KIF11: variants seen among roughly 807,000 people sequenced by gnomAD.
KIF11 encodes kinesin-like protein KIF11.
A neutral mutation model predicts 121.0 loss-of-function variants in KIF11; 9 were observed. That is an observed-to-expected ratio of 0.07 (90% CI 0.04 to 0.13). The LOEUF (loss-of-function observed/expected upper bound fraction) is 0.13. KIF11 is among the 10% of genes least tolerant of loss of function. KIF11 has a pLI of 1.00. For synonymous variants in KIF11, 408 were observed against 421.0 expected (o/e 0.97, Z 0.38); for missense variants, 846 against 1,217.5 (o/e 0.69, Z 4.54).
chr10:92,642,855 T>C (rs1172180442), intron 17 of KIF11, among the ~76,000 whole-genome samples: 2 of 152,262 alleles, frequency 1.3e-5, no homozygotes, highest in South Asian at 2.1e-4. Flanking sequence ...GGGTTTCTTA[T>C]AGACAGCATG....
chr10:92,596,298 C>T (rs189875276), intron 1 of KIF11, among the ~76,000 whole-genome samples: 95 of 152,270 alleles, frequency 6.2e-4, no homozygotes, highest in Admixed American at 1.1e-3. Context: ...CTACGGAGCC[C>T]GGCCTTGAGT....
At chr10:92,646,023 C>G (rs911300538) in intron 18 of KIF11, among the ~76,000 whole-genome samples, 6 of 148,428 alleles carry the variant, frequency 4.0e-5, no homozygotes, top group Non-Finnish European at 5.9e-5. Flanking sequence ...ACGATCTCAG[C>G]TCACTGCAAC....
rs994088086 is a variant in KIF11 at position 92,654,166 on chromosome 10, C to G, written c.*370C>G. On this transcript the variant is annotated 3_prime_UTR_variant, in exon 22 of 22. Coordinates refer to ENST00000260731, the MANE Select transcript of KIF11 (RefSeq NM_004523.4). ...CTCCAGCCTGGGCAACAGAGCAAGACTCGGTCTCAAAAACAAAATTTAAAA... is the reference window on the plus strand; with the variant it reads ...CTCCAGCCTGGGCAACAGAGCAAGAGTCGGTCTCAAAAACAAAATTTAAAA... 4 of 159,238 alleles carry G rather than the reference C, an allele frequency of 2.5e-5. No individual in the cohort carries two copies. Among genetic ancestry groups the G allele is most frequent in the African/African-American group, 9.6e-5 (4 of 41,598 alleles). 9.9% of individuals were successfully genotyped at this position (159,238 alleles called of 1,614,324 possible). A position where few individuals can be genotyped will look rare whatever the true frequency, so the allele number is the denominator to read the frequency against.
chr10:92,650,211 T>C (rs1844966190), intron 20 of KIF11, among the ~76,000 whole-genome samples, 190 bp from the exon 21 acceptor site: 1 of 152,226 alleles, frequency 6.6e-6, no homozygotes, highest in Non-Finnish European at 1.5e-5. Context: ...CATTGTTATA[T>C]AGGAACCTCT....
intron 9 of KIF11, among the ~76,000 whole-genome samples, chr10:92,617,636 G>A (rs1844571555): frequency 6.6e-6 from 1 of 152,030 alleles, no homozygotes; most frequent in Admixed American, 6.6e-5. Context: ...TATGAGGTCT[G>A]CAATTTCTCC....
intron 21 of KIF11, among the ~76,000 whole-genome samples, chr10:92,651,961 C>CT (rs36000362): frequency 0.31 from 32,111 of 102,442 alleles, 5,769 homozygotes; most frequent in East Asian, 0.6. Flanking sequence ...ATGCTTGTAC[C>CT]TTTTTTTTTT....
intron 16 of KIF11, 97 bp from the exon 17 acceptor site, chr10:92,639,697 T>A (rs1357765760): frequency 1.5e-6 from 1 of 646,490 alleles, no homozygotes; most frequent in African/African-American, 1.9e-5. Context: ...TATATAATTC[T>A]CACCTATGGA....
chr10:92,638,152 T>C (rs1261201061), intron 16 of KIF11, among the ~76,000 whole-genome samples: 3 of 152,242 alleles, frequency 2.0e-5, no homozygotes, highest in Non-Finnish European at 4.4e-5. Flanking sequence ...AAGACTTTAA[T>C]AATGACTGTC....
intron 17 of KIF11, 70 bp from the exon 18 acceptor site, chr10:92,645,293 A>C (rs1260343834): frequency 8.8e-7 from 1 of 1,142,484 alleles, no homozygotes; most frequent in Non-Finnish European, 1.3e-6. Flanking sequence ...GAGCTGAGTG[A>C]TCTTGGGAAG....
At chr10:92,632,430 C>G in intron 12 of KIF11, 56 bp from the exon 13 acceptor site, 2 of 1,117,336 alleles carry the variant, frequency 1.8e-6, no homozygotes, top group Non-Finnish European at 2.7e-6. Context: ...TAGATACTTT[C>G]ATCAGATTCC....
At chr10:92,605,479 C>G (rs890074992) in intron 1 of KIF11, among the ~76,000 whole-genome samples, 4 of 123,776 alleles carry the variant, frequency 3.2e-5, no homozygotes, top group Admixed American at 2.6e-4. Flanking sequence ...CTAATTTGAT[C>G]GGATTTTTTT....
At position 92,654,733 on chromosome 10, in the gene KIF11, C is replaced by A. The variant is rs1213414458; in HGVS notation, c.*937C>A. 1.3e-5 allele frequency: 2 copies of A among 152,104 alleles called. No homozygotes were observed. Among genetic ancestry groups the A allele is most frequent in the Non-Finnish European group, 2.9e-5 (2 of 68,000 alleles). 9.4% of individuals were successfully genotyped at this position (152,104 alleles called of 1,614,324 possible). On this transcript the variant is annotated 3_prime_UTR_variant, in exon 22 of 22. Transcript: ENST00000260731. ...TCCTTTCAGTATTTTTCACTTGTTGCCCCAAATGTGAAAGCATTTCATTCC... is the reference window on the plus strand; with the variant it reads ...TCCTTTCAGTATTTTTCACTTGTTGACCCAAATGTGAAAGCATTTCATTCC...
intron 13 of KIF11, among the ~76,000 whole-genome samples, chr10:92,633,077 G>A (rs965154658): frequency 6.6e-6 from 1 of 151,554 alleles, no homozygotes; most frequent in African/African-American, 2.4e-5. Flanking sequence ...TTTTGGGGGG[G>A]GCATATATAT....
chr10:92,608,182 C>T (rs1469527616), intron 4 of KIF11, among the ~76,000 whole-genome samples: 10 of 144,032 alleles, frequency 6.9e-5, no homozygotes, highest in Admixed American at 6.3e-4. Flanking sequence ...CCACTGTGTT[C>T]CCCAGGCCAG....
At position 92,613,765 on chromosome 10, in the gene KIF11, C is replaced by T; in HGVS notation, c.1032+146C>T. 1.3e-6 allele frequency: 1 copy of T among 749,854 alleles called. No homozygotes were observed. Among genetic ancestry groups the T allele is most frequent in the South Asian group, 2.1e-5 (1 of 48,222 alleles). 46.5% of individuals were successfully genotyped at this position (749,854 alleles called of 1,614,324 possible). On this transcript the variant is annotated intron_variant, in intron 8 of 21. Coordinates refer to ENST00000260731, the MANE Select transcript of KIF11 (RefSeq NM_004523.4). This position sits in a 1 kb window ranked among gnomAD's most constrained non-coding sequence, Gnocchi z 4.2. ...TTGGAAGTCCAAGGTGGGCGGATCA[C>T]TTGAGCTTAGGAGTGCCTGGGCAAC... is the stretch of plus-strand genomic sequence containing the variant.
At chr10:92,633,474 C>T (rs376969970) in intron 13 of KIF11, 149 bp from the exon 14 acceptor site, 3 of 590,286 alleles carry the variant, frequency 5.1e-6, no homozygotes, top group African/African-American at 1.9e-5. Flanking sequence ...TTAAATATTT[C>T]CTTGCTTTGT....
chr10:92,608,948 G>T, intron 4 of KIF11, 72 bp from the exon 5 acceptor site: 1 of 775,436 alleles, frequency 1.3e-6, no homozygotes, highest in Non-Finnish European at 2.0e-6. Flanking sequence ...ATATTATAAA[G>T]GAGGCCCATG....
intron 15 of KIF11, 30 bp downstream of exon 15, chr10:92,637,339 A>G (rs750667124): frequency 4.4e-6 from 7 of 1,582,072 alleles, no homozygotes; most frequent in Non-Finnish European, 6.0e-6. Context: ...TAATATCTCA[A>G]AATTGATGTG....
chr10:92,640,598 A>AT (rs1403978805), intron 17 of KIF11, among the ~76,000 whole-genome samples: 5 of 151,426 alleles, frequency 3.3e-5, no homozygotes, highest in Admixed American at 3.3e-4. Flanking sequence ...TGCTTGGCTA[A>AT]TTTTTTGTAT....
Sources: allele counts gnomAD v4.1 joint callset (sites outside exome capture counted in the v4.1 genomes callset), GRCh38; gene constraint gnomAD v4.1.1; non-coding constraint Gnocchi (gnomAD v3.1); transcripts MANE v1.5; gene names NCBI Gene and HGNC (gene_info 2026-07-23, HGNC 2026-07-21).